Variants in CDC42 observed in about 807,000 individuals in gnomAD.
CDC42 encodes cell division control protein 42 homolog.
CDC42 carries 1 observed loss-of-function variant against 20.8 expected under a neutral mutation model. The observed-to-expected ratio is 0.05, with a 90% CI of 0.02 to 0.23. The LOEUF is 0.23. CDC42 is among the 10% of genes least tolerant of loss of function. CDC42 has a pLI of 1.00. For synonymous variants in CDC42, 72 were observed against 84.8 expected, an observed-to-expected ratio of 0.85 and a Z score of 0.83; for missense variants, 49 against 227.9, an observed-to-expected ratio of 0.21 and a Z score of 5.05.
intron 5 of CDC42, chr1:22,089,880 C>T (rs1217923739): frequency 5.9e-6 from 9 of 1,530,676 alleles, no homozygotes; most frequent in Non-Finnish European, 8.0e-6. Flanking sequence ...TGCTGTTGTA[C>T]CTGCTAGTCT....
In CDC42 at chr1:22,100,642, AC is replaced by A. The variant is rs1645784115; in HGVS notation, c.*9126del. ...GGGGTAGATAGCAGCTGTCTTCATC[AC>A]TGTCATCATTGTTGGCTCACATCAA... On this transcript the variant is annotated 3_prime_UTR_variant, in exon 6 of 6. Transcript: ENST00000656825. The A allele has an allele frequency of 6.6e-6, 1 of 152,248 alleles. No homozygotes were observed. The highest frequency in any genetic ancestry group is 2.4e-5 in the African/African-American group (1 of 41,448). The allele number at this position is 152,248 out of a possible 1,614,324, so 9.4% of individuals were successfully genotyped here.
Position 22,094,131 on chromosome 1 carries a change from T to C in CDC42, c.*2614T>C, listed in dbSNP as rs1645739969. ...AACAAACTTGCTTATAGTCGTGGCT[T>C]AGAAGGTGAGTGATATTCTCCAGGG... On this transcript the variant is annotated 3_prime_UTR_variant, in exon 6 of 6. Coordinates refer to ENST00000656825, the MANE Select transcript of CDC42 (RefSeq NM_001791.4). Among the ~76,000 whole-genome samples the C allele has an allele frequency of 1.3e-5, 2 of 152,104 alleles. No homozygotes were observed. The highest frequency in any genetic ancestry group is 4.2e-4 in the South Asian group (2 of 4,812).
At chr1:22,066,542 A>G (rs1448536482) in intron 1 of CDC42, among the ~76,000 whole-genome samples, 1 of 152,196 alleles carries the variant, frequency 6.6e-6, no homozygotes, top group Non-Finnish European at 1.5e-5. Context: ...CTTATTTTTA[A>G]AAGTCTGTTT....
At chr1:22,088,263 T>G (rs1338810453) in intron 5 of CDC42, among the ~76,000 whole-genome samples, 1 of 152,250 alleles carries the variant, frequency 6.6e-6, no homozygotes, top group African/African-American at 2.4e-5. Flanking sequence ...TGTGTGCTTC[T>G]GATGCATACC....
At chr1:22,076,388 G>A (rs892672583) in intron 1 of CDC42, among the ~76,000 whole-genome samples, 1 of 151,922 alleles carries the variant, frequency 6.6e-6, no homozygotes, top group Admixed American at 6.6e-5. Flanking sequence ...AACCCGGGAG[G>A]CAGAGGTTGC....
rs11587967 is a variant in CDC42, at chr1:22,095,471, A to G, written c.*3954A>G. 9.5e-3 allele frequency among the ~76,000 whole-genome samples: 1,442 copies of G among 152,062 alleles called. 25 individuals carry two copies. Among genetic ancestry groups the G allele is most frequent in the African/African-American group, 0.033 (1,383 of 41,490 alleles). On this transcript the variant is annotated 3_prime_UTR_variant, in exon 6 of 6. Coordinates refer to ENST00000656825, the MANE Select transcript of CDC42 (RefSeq NM_001791.4). ...TTTTTAGTAGAGATAGGGTTTCACC[A>G]TGTTAGCCAGGATGGTCTCGATCTC...
chr1:22,069,894 G>C (rs547856304), intron 1 of CDC42, among the ~76,000 whole-genome samples: 1 of 151,850 alleles, frequency 6.6e-6, no homozygotes, highest in South Asian at 2.1e-4. Flanking sequence ...TCCTGGGCTC[G>C]GATGATCTTC....
intron 1 of CDC42, among the ~76,000 whole-genome samples, chr1:22,071,438 A>C (rs1378566848): frequency 1.3e-5 from 2 of 152,190 alleles, no homozygotes; most frequent in Non-Finnish European, 2.9e-5. Context: ...TTCTGCAAAC[A>C]AGACAGTTTG....
intron 1 of CDC42, among the ~76,000 whole-genome samples, chr1:22,073,843 G>T (rs1260997956): frequency 6.6e-6 from 1 of 150,672 alleles, no homozygotes; most frequent in East Asian, 2.0e-4. Flanking sequence ...TAGAGATGGG[G>T]TCTCACTCTG....
chr1:22,058,049 T>TA (rs1475594753), intron 1 of CDC42, among the ~76,000 whole-genome samples: 1 of 152,182 alleles, frequency 6.6e-6, no homozygotes, highest in African/African-American at 2.4e-5. Flanking sequence ...TTTTATCCGT[T>TA]ACCTTTACCG....
At chr1:22,089,955 A>T in intron 5 of CDC42, 1 of 1,613,950 alleles carries the variant, frequency 6.2e-7, no homozygotes, top group Non-Finnish European at 8.5e-7. Context: ...AGGTCTGAAG[A>T]ATGTGTTTGA....
In CDC42 at chr1:22,092,267, A is replaced by G. The variant is rs1645726201; in HGVS notation, c.*750A>G. The G allele has an allele frequency of 6.6e-6, 1 of 152,556 alleles. No individual in the cohort carries two copies. Among genetic ancestry groups the G allele is most frequent in the Non-Finnish European group, 1.5e-5 (1 of 68,018 alleles). 9.5% of individuals were successfully genotyped at this position (152,556 alleles called of 1,614,324 possible). A position where few individuals can be genotyped will look rare whatever the true frequency, so the allele number is the denominator to read the frequency against. On this transcript the variant is annotated 3_prime_UTR_variant, in exon 6 of 6. Coordinates refer to ENST00000656825, the MANE Select transcript of CDC42 (RefSeq NM_001791.4). Reference sequence around the variant, plus strand: ...CTAGGACGCACTATATGTGACTGTGACTTTCAAGGACATTTGTTTGCCATT... The same window carrying G: ...CTAGGACGCACTATATGTGACTGTGGCTTTCAAGGACATTTGTTTGCCATT...
intron 2 of CDC42, chr1:22,078,886 C>CTTTTTT: frequency 1.0e-6 from 1 of 1,000,594 alleles, no homozygotes; most frequent in Non-Finnish European, 1.3e-6. Flanking sequence ...AATGAGGTGA[C>CTTTTTT]TTTTTTTTTT....
At chr1:22,061,634 C>A (rs967630994) in intron 1 of CDC42, among the ~76,000 whole-genome samples, 1 of 137,732 alleles carries the variant, frequency 7.3e-6, no homozygotes, top group African/African-American at 2.7e-5. Flanking sequence ...ACCTCTGCCT[C>A]CCGGGTTCAA....
rs527773809 is a variant in CDC42, at chr1:22,095,504, C to T, written c.*3987C>T. ...CAGGATGGTCTCGATCTCCTGACCT[C>T]GTGATCCGCCCGCCTTGGCCTCCCA... On this transcript the variant is annotated 3_prime_UTR_variant, in exon 6 of 6. Transcript: ENST00000656825. Among the ~76,000 whole-genome samples, 10 of 152,158 alleles carry T rather than the reference C, an allele frequency of 6.6e-5. No individual in the cohort carries two copies. Among genetic ancestry groups the T allele is most frequent in the East Asian group, 1.9e-4 (1 of 5,168 alleles).
rs750093004 is a variant in CDC42, at chr1:22,091,789, G to GT, written c.*273dup. On this transcript the variant is annotated 3_prime_UTR_variant, in exon 6 of 6. Transcript: ENST00000656825. ...TTTCAAAAAAAAAATTTTTGTGTGT[G>GT]TGTGTTTTTTTTTTTTTTTTTTTTG... 0.018 allele frequency: 623 copies of GT among 34,988 alleles called. 4 individuals carry two copies. The highest frequency in any genetic ancestry group is 0.037 in the East Asian group (73 of 1,948). 2.2% of individuals were successfully genotyped at this position (34,988 alleles called of 1,614,324 possible). A position where few individuals can be genotyped will look rare whatever the true frequency, so the allele number is the denominator to read the frequency against.
At chr1:22,089,801 A>T in intron 5 of CDC42, 1 of 790,038 alleles carries the variant, frequency 1.3e-6, no homozygotes, top group Non-Finnish European at 1.9e-6. Flanking sequence ...TAATGGGCTT[A>T]AGATCTAGCA....
intron 1 of CDC42, among the ~76,000 whole-genome samples, chr1:22,071,570 C>T (rs1645492613): frequency 6.6e-6 from 1 of 152,156 alleles, no homozygotes; most frequent in African/African-American, 2.4e-5. Context: ...AGATATGCTA[C>T]TATAACTTAC....
chr1:22,058,171 TACTG>T (rs571521091), intron 1 of CDC42, among the ~76,000 whole-genome samples: 3 of 152,310 alleles, frequency 2.0e-5, no homozygotes, highest in African/African-American at 4.8e-5. Flanking sequence ...ATCCCAGTCT[TACTG>T]ACCCAGAATC....
Sources: allele counts gnomAD v4.1 joint callset (sites outside exome capture counted in the v4.1 genomes callset), GRCh38; gene constraint gnomAD v4.1.1; transcripts MANE v1.5; gene names NCBI Gene and HGNC (gene_info 2026-07-23, HGNC 2026-07-21).